Variants in DNAL4 observed in about 807,000 individuals in gnomAD.
DNAL4 encodes dynein light chain, outer arm 4.
A neutral mutation model predicts 12.6 loss-of-function variants in DNAL4; 10 were observed. The ratio of observed to expected loss-of-function variants is 0.79; its 90% CI spans 0.49 to 1.34. DNAL4 has a LOEUF of 1.34. Among genes scored for constraint, DNAL4 ranks in the 40% most tolerant of loss-of-function variants. The pLI, the probability that DNAL4 is intolerant of heterozygous loss-of-function variation, is 0.00. For missense variants in DNAL4, 128 were observed against 138.1 expected, an observed-to-expected ratio of 0.93 and a Z score of 0.37; for synonymous variants, 46 against 53.1, an observed-to-expected ratio of 0.87 and a Z score of 0.58.
chr22:38,787,264 A>T (rs2093043879), intron 1 of DNAL4, among the ~76,000 whole-genome samples: 1 of 144,930 alleles, frequency 6.9e-6, no homozygotes. Flanking sequence ...TTTTTGAGAC[A>T]GCGTTTTGCT....
chr22:38,781,532 C>T (rs989999310), intron 2 of DNAL4, among the ~76,000 whole-genome samples: 8 of 152,124 alleles, frequency 5.3e-5, no homozygotes, highest in African/African-American at 1.9e-4. Context: ...CTGTCTGTGT[C>T]CTCTCTGTGG....
At chr22:38,789,781 G>A (rs1569319133) in intron 1 of DNAL4, among the ~76,000 whole-genome samples, 1 of 152,174 alleles carries the variant, frequency 6.6e-6, no homozygotes, top group Non-Finnish European at 1.5e-5. Flanking sequence ...TTGCTGGCAG[G>A]GGCAGCATTT....
At chr22:38,784,949 C>T (rs981853294) in intron 1 of DNAL4, among the ~76,000 whole-genome samples, 3 of 151,344 alleles carry the variant, frequency 2.0e-5, no homozygotes, top group Non-Finnish European at 2.9e-5. Context: ...TCGGCTCCCT[C>T]GCATGAGGCT....
intron 1 of DNAL4, among the ~76,000 whole-genome samples, chr22:38,788,733 C>T (rs1216698378): frequency 1.3e-5 from 2 of 152,234 alleles, no homozygotes; most frequent in Non-Finnish European, 2.9e-5. Context: ...GCCCCGCTCT[C>T]TCCCACTCAA....
intron 1 of DNAL4, among the ~76,000 whole-genome samples, chr22:38,793,156 T>A (rs2093053591): frequency 6.6e-6 from 1 of 152,182 alleles, no homozygotes; most frequent in African/African-American, 2.4e-5. Context: ...TGACTGTATT[T>A]CAATCTCCAT....
intron 1 of DNAL4, among the ~76,000 whole-genome samples, chr22:38,792,973 G>A (rs894949043): frequency 1.3e-5 from 2 of 152,132 alleles, no homozygotes; most frequent in Non-Finnish European, 2.9e-5. Flanking sequence ...ATGACTGGCA[G>A]CACTGTAGGT....
chr22:38,789,048 C>T (rs2093046582), intron 1 of DNAL4, among the ~76,000 whole-genome samples: 1 of 152,126 alleles, frequency 6.6e-6, no homozygotes, highest in Admixed American at 6.6e-5. Context: ...CCTATCACAT[C>T]CATTCAAGAC....
intron 2 of DNAL4, among the ~76,000 whole-genome samples, chr22:38,781,523 T>C (rs2093034398): frequency 1.3e-5 from 2 of 152,126 alleles, no homozygotes; most frequent in African/African-American, 4.8e-5. Flanking sequence ...GTTCCGCGCC[T>C]GTCTGTGTCC....
intron 3 of DNAL4, among the ~76,000 whole-genome samples, chr22:38,780,557 G>T (rs944572404): frequency 1.3e-5 from 2 of 152,234 alleles, no homozygotes; most frequent in African/African-American, 4.8e-5. Flanking sequence ...AACAGCGCCT[G>T]TTCAACACCT....
intron 1 of DNAL4, among the ~76,000 whole-genome samples, chr22:38,788,809 G>T (rs1212271074): frequency 2.0e-5 from 3 of 152,198 alleles, no homozygotes; most frequent in Non-Finnish European, 2.9e-5. Context: ...GACTTAGCAT[G>T]GATTTATTTT....
At chr22:38,791,968 G>A (rs1354071790) in intron 1 of DNAL4, among the ~76,000 whole-genome samples, 2 of 151,514 alleles carry the variant, frequency 1.3e-5, no homozygotes, top group Non-Finnish European at 1.5e-5. Flanking sequence ...GCCTCCCAAA[G>A]TGCTGGCATT....
In DNAL4 at chr22:38,780,906, G is replaced by T. The variant is rs199589239; in HGVS notation, c.153+20C>A. ...GGGGCCATCAAAAGCACGAGGGGCCGCCTGCACTGCTGGCAATACCTCGTT... is the reference window on the plus strand; with the variant it reads ...GGGGCCATCAAAAGCACGAGGGGCCTCCTGCACTGCTGGCAATACCTCGTT... On this transcript the variant is annotated intron_variant, in intron 3 of 3. Coordinates refer to ENST00000216068, the MANE Select transcript of DNAL4 (RefSeq NM_005740.3). 1.2e-6 allele frequency: 2 copies of T among 1,613,864 alleles called. No individual in the cohort carries two copies.
intron 1 of DNAL4, among the ~76,000 whole-genome samples, chr22:38,789,192 AAG>A (rs1420302682): frequency 2.0e-5 from 3 of 152,208 alleles, no homozygotes; most frequent in Non-Finnish European, 2.9e-5. Flanking sequence ...GCCTGAAAAA[AAG>A]AGAGTTTCCA....
At chr22:38,781,828 C>T (rs149414208) in intron 2 of DNAL4, among the ~76,000 whole-genome samples, 1,661 of 152,260 alleles carry the variant, frequency 0.011, 32 homozygotes, top group African/African-American at 0.037. Flanking sequence ...ACCCTAAACC[C>T]GACCGCATCT....
intron 1 of DNAL4, among the ~76,000 whole-genome samples, chr22:38,790,026 A>G (rs192859634): frequency 1.4e-4 from 22 of 151,788 alleles, no homozygotes; most frequent in South Asian, 4.2e-4. Context: ...ACCTATGCTT[A>G]CATATTTTTG....
chr22:38,779,338 AG>A lies in DNAL4; in HGVS notation c.*110del. On this transcript the variant is annotated 3_prime_UTR_variant, in exon 4 of 4. Coordinates refer to ENST00000216068, the MANE Select transcript of DNAL4 (RefSeq NM_005740.3). This position sits in a 1 kb window ranked among gnomAD's most constrained non-coding sequence, Gnocchi z 4.3. ...AGGAAACTGGTACACAAAGACAAAAAGAAAAGACCCCAACTCTCCTTGGAAA... is the reference window on the plus strand; with the variant it reads ...AGGAAACTGGTACACAAAGACAAAAAAAAAGACCCCAACTCTCCTTGGAAA... 7.3e-7 allele frequency: 1 copy of A among 1,372,386 alleles called. No homozygotes were observed. The highest frequency in any genetic ancestry group is 9.6e-7 in the Non-Finnish European group (1 of 1,037,756). 85.0% of individuals were successfully genotyped at this position (1,372,386 alleles called of 1,614,324 possible).
At position 38,779,170 on chromosome 22, in the gene DNAL4, CCT is replaced by C; in HGVS notation, c.*277_*278del. 3.4e-6 allele frequency: 1 copy of C among 296,420 alleles called. No homozygotes were observed. 18.4% of individuals were successfully genotyped at this position (296,420 alleles called of 1,614,324 possible). ...CCTGTGCGGAAGATCTCATCTCCCA[CCT>C]CCTCTACCCTGTCACACCGCCCCAC... is the stretch of plus-strand genomic sequence containing the variant. On this transcript the variant is annotated 3_prime_UTR_variant, in exon 4 of 4. Transcript: ENST00000216068. This position sits in a 1 kb window ranked among gnomAD's most constrained non-coding sequence, Gnocchi z 4.3.
intron 1 of DNAL4, among the ~76,000 whole-genome samples, chr22:38,787,495 G>C (rs189415506): frequency 6.6e-6 from 1 of 152,188 alleles, no homozygotes; most frequent in East Asian, 1.9e-4. Context: ...ACCTGCCTCA[G>C]CCTCCCAAAG....
intron 1 of DNAL4, among the ~76,000 whole-genome samples, chr22:38,783,689 A>G (rs1465369575): frequency 6.6e-6 from 1 of 152,218 alleles, no homozygotes; most frequent in East Asian, 1.9e-4. Flanking sequence ...TGGTTCAGTC[A>G]GTCACCAGCA....
Sources: gnomAD v4.1 joint callset for allele counts (sites outside exome capture counted in the v4.1 genomes callset) on GRCh38, gnomAD v4.1.1 for gene constraint, Gnocchi (gnomAD v3.1) non-coding constraint, MANE v1.5 for transcripts, NCBI Gene and HGNC (gene_info 2026-07-23, HGNC 2026-07-21) for gene names.